CDKN2A: variants seen among roughly 807,000 people sequenced by gnomAD.
CDKN2A encodes cyclin-dependent kinase inhibitor 2A.
Under a neutral mutation model 11.1 loss-of-function variants are expected in CDKN2A, and 3 were observed. That is an observed-to-expected ratio of 0.27 (90% CI 0.12 to 0.70). The LOEUF is 0.70. CDKN2A is among the 30% of genes least tolerant of loss of function. The pLI, the probability that CDKN2A is intolerant of heterozygous loss-of-function variation, is 0.77. For synonymous variants in CDKN2A, 122 were observed against 108.1 expected, an observed-to-expected ratio of 1.13 and a Z score of -0.80; for missense variants, 265 against 233.6, an observed-to-expected ratio of 1.13 and a Z score of -0.88.
At chr9:21,980,657 C>T (rs974402088) in intron 2 of CDKN2A, among the ~76,000 whole-genome samples, 1 of 151,904 alleles carries the variant, frequency 6.6e-6, no homozygotes, top group Admixed American at 6.6e-5. Context: ...TTGGTAACAA[C>T]CATCAATATA....
At chr9:21,975,245 G>T, upstream of CDKN2A, 4 of 811,090 alleles carry the variant, frequency 4.9e-6, no homozygotes, top group East Asian at 5.9e-5. Flanking sequence ...CAGCAAAGGC[G>T]TGTTTGAGTG....
chr9:21,975,683 G>C (rs1319830434), upstream of CDKN2A, among the ~76,000 whole-genome samples: 1 of 149,584 alleles, frequency 6.7e-6, no homozygotes, highest in Non-Finnish European at 1.5e-5. Context: ...TAATACGGAC[G>C]GGGGAGAATT....
At chr9:21,973,415 C>A (rs1444078591) in intron 1 of CDKN2A, among the ~76,000 whole-genome samples, 1 of 152,144 alleles carries the variant, frequency 6.6e-6, no homozygotes, top group African/African-American at 2.4e-5. Context: ...TCTACATGTT[C>A]TTCTCCCGTC....
chr9:21,971,548 CTTCCTGAAATTATG>C (rs1055687207), intron 1 of CDKN2A: 2 of 265,034 alleles, frequency 7.5e-6, no homozygotes, highest in Non-Finnish European at 1.2e-5. Flanking sequence ...ACTGAAATTT[CTTCCTGAAATTATG>C]TTAGGCCTGG....
At chr9:21,976,823 A>T (rs1820048521), upstream of CDKN2A, among the ~76,000 whole-genome samples, 1 of 152,258 alleles carries the variant, frequency 6.6e-6, no homozygotes, top group Non-Finnish European at 1.5e-5. Context: ...AAAGTTAAAC[A>T]GCACTAAAGA....
At chr9:21,987,657 C>T (rs1252321360) in intron 2 of CDKN2A, among the ~76,000 whole-genome samples, 1 of 151,976 alleles carries the variant, frequency 6.6e-6, no homozygotes, top group Non-Finnish European at 1.5e-5. Flanking sequence ...CCAATTCATA[C>T]AAAGGGTCAC....
rs183552430 is a variant in CDKN2A at position 21,988,134 on chromosome 9, T to C, written c.-4+5748A>G. Reference sequence around the variant, plus strand: ...TTCAATTTGCTTAAGAGATTACATGTCTTTGTTCATGTAATTCTGAACCTC... The same window carrying C: ...TTCAATTTGCTTAAGAGATTACATGCCTTTGTTCATGTAATTCTGAACCTC... On this transcript the variant is annotated intron_variant, in intron 2 of 3. Transcript: ENST00000494262. The surrounding 1 kb of genome is among the most constrained non-coding windows in gnomAD (Gnocchi z 4.1). 6.6e-6 allele frequency among the ~76,000 whole-genome samples: 1 copy of C among 152,208 alleles called. No individual in the cohort carries two copies. The highest frequency in any genetic ancestry group is 2.4e-5 in the African/African-American group (1 of 41,466).
chr9:21,974,335 C>A lies in CDKN2A; in HGVS notation c.150+343G>T. The stretch of plus-strand genomic sequence containing the variant: ...TGGAGGCTAAGTAGTCCCAGCACAT[C>A]TTACATTTCTTTAAGACTCCCTTTT... On this transcript the variant is annotated intron_variant, in intron 1 of 2. Coordinates refer to ENST00000304494, the MANE Select transcript of CDKN2A (RefSeq NM_000077.5). This position sits in a 1 kb window ranked among gnomAD's most constrained non-coding sequence, Gnocchi z 5.2. 7.4e-7 allele frequency: 1 copy of A among 1,348,654 alleles called. No homozygotes were observed. The highest frequency in any genetic ancestry group is 9.9e-7 in the Non-Finnish European group (1 of 1,013,364). The allele number at this position is 1,348,654 out of a possible 1,614,324, so 83.5% of individuals were successfully genotyped here.
At chr9:21,976,449 C>G (rs1314106315), upstream of CDKN2A, among the ~76,000 whole-genome samples, 2 of 151,536 alleles carry the variant, frequency 1.3e-5, no homozygotes, top group African/African-American at 4.9e-5. Flanking sequence ...GATGCGGTGG[C>G]TCACGTCTAT....
At chr9:21,972,556 T>G (rs1356678505) in intron 1 of CDKN2A, among the ~76,000 whole-genome samples, 1 of 152,236 alleles carries the variant, frequency 6.6e-6, no homozygotes, top group East Asian at 1.9e-4. Flanking sequence ...TGAAACCTTG[T>G]GGACCCATTT....
At chr9:21,981,422 C>T (rs1345075368) in intron 2 of CDKN2A, among the ~76,000 whole-genome samples, 1 of 151,682 alleles carries the variant, frequency 6.6e-6, no homozygotes, top group African/African-American at 2.4e-5. Context: ...GAGATATATG[C>T]CCTGTAATGG....
At chr9:21,977,038 C>T (rs529621987), upstream of CDKN2A, among the ~76,000 whole-genome samples, 9 of 152,286 alleles carry the variant, frequency 5.9e-5, no homozygotes, top group African/African-American at 1.9e-4. Flanking sequence ...ACCTTGTAGA[C>T]CCAGTATATC....
At chr9:21,994,557 T>A in intron 1 of CDKN2A, 7 of 1,069,290 alleles carry the variant, frequency 6.5e-6, no homozygotes, top group Non-Finnish European at 8.7e-6. Flanking sequence ...CTCCAAGATC[T>A]CGGAACGGCT....
In CDKN2A at chr9:21,974,631, C is replaced by T. The variant is rs2131111245; in HGVS notation, c.150+47G>A. On this transcript the variant is annotated intron_variant, in intron 1 of 2. Coordinates refer to ENST00000304494, the MANE Select transcript of CDKN2A (RefSeq NM_000077.5). This position sits in a 1 kb window ranked among gnomAD's most constrained non-coding sequence, Gnocchi z 5.2. ...CAATTCCCCTGCAAACTTCGTCCTC[C>T]AGAGTCGCCCGCCATCCCCTGCTCC... 1 of 1,614,228 alleles carries T rather than the reference C, an allele frequency of 6.2e-7. No homozygotes were observed. The highest frequency in any genetic ancestry group is 8.5e-7 in the Non-Finnish European group (1 of 1,180,036).
At chr9:21,992,178 A>G (rs1199488424) in intron 2 of CDKN2A, 1 of 839,090 alleles carries the variant, frequency 1.2e-6, no homozygotes, top group Non-Finnish European at 1.4e-6. Context: ...ATGATATTAA[A>G]TAATTCATAC....
intron 2 of CDKN2A, among the ~76,000 whole-genome samples, chr9:21,989,104 G>C (rs1207283200): frequency 6.6e-6 from 1 of 152,050 alleles, no homozygotes; most frequent in Admixed American, 6.5e-5. Flanking sequence ...GAAAAAAAAC[G>C]CTATTGACAT....
At chr9:21,994,465 C>A in intron 1 of CDKN2A, 1 of 1,530,960 alleles carries the variant, frequency 6.5e-7, no homozygotes, top group Non-Finnish European at 8.7e-7. Flanking sequence ...CTCCGCCCCG[C>A]AGGCGCGCAC....
In CDKN2A at chr9:21,967,933, G is replaced by C; in HGVS notation, c.*296C>G. 1 of 421,910 alleles carries C rather than the reference G, an allele frequency of 2.4e-6. No homozygotes were observed. The highest frequency in any genetic ancestry group is 3.8e-5 in the South Asian group (1 of 26,122). The allele number at this position is 421,910 out of a possible 1,614,324, so 26.1% of individuals were successfully genotyped here. A position where few individuals can be genotyped will look rare whatever the true frequency, so the allele number is the denominator to read the frequency against. On this transcript the variant is annotated 3_prime_UTR_variant, in exon 3 of 3. Coordinates refer to ENST00000304494, the MANE Select transcript of CDKN2A (RefSeq NM_000077.5). The stretch of plus-strand genomic sequence containing the variant: ...GCAAGAAATGCCCACATGAATGTGC[G>C]CTTAGGGCGTGAGTGCTCACTCCAG...
rs775968367 is a variant in CDKN2A, at chr9:21,974,837, C to A, written c.-10G>T. On this transcript the variant is annotated 5_prime_UTR_variant, in exon 1 of 3. Coordinates refer to ENST00000304494, the MANE Select transcript of CDKN2A (RefSeq NM_000077.5). This position sits in a 1 kb window ranked among gnomAD's most constrained non-coding sequence, Gnocchi z 5.2. ...CCGCCGCCGGCTCCATGCTGCTCCC[C>A]GCCGCCCGCTGCCTGCTCTCCCCCT... The A allele has an allele frequency of 1.3e-6, 2 of 1,574,642 alleles. No individual in the cohort carries two copies. Among genetic ancestry groups the A allele is most frequent in the South Asian group, 1.1e-5 (1 of 87,632 alleles).
Sources: gnomAD v4.1 joint callset for allele counts (sites outside exome capture counted in the v4.1 genomes callset) on GRCh38, gnomAD v4.1.1 for gene constraint, Gnocchi (gnomAD v3.1) non-coding constraint, MANE v1.5 for transcripts, NCBI Gene and HGNC (gene_info 2026-07-23, HGNC 2026-07-21) for gene names.